The following FERMT3 variants were observed in gnomAD, a reference collection of about 807,000 sequenced individuals.
The protein encoded by FERMT3 is FERM domain containing kindlin 3, also known as fermitin family homolog 3.
In FERMT3, 33 loss-of-function variants were observed where a neutral mutation model predicts 80.8. That is an observed-to-expected ratio of 0.41 (90% CI 0.31 to 0.55). The LOEUF (loss-of-function observed/expected upper bound fraction) is 0.55, where lower values mean the gene tolerates loss of function less well. FERMT3 is among the 20% of genes least tolerant of loss of function. The probability of loss-of-function intolerance (pLI) is 0.31; values close to 1 mark genes in which losing one functional copy is unlikely to be tolerated. For synonymous variants in FERMT3, 375 were observed against 372.2 expected, an observed-to-expected ratio of 1.01 and a Z score of -0.09; for missense variants, 754 against 908.7, an observed-to-expected ratio of 0.83 and a Z score of 2.19.
chr11:64,220,139 G>C, intron 10 of FERMT3, 81 bp from the exon 11 acceptor site: 1 of 1,569,978 alleles, frequency 6.4e-7, no homozygotes, highest in African/African-American at 1.3e-5. Context: ...CTGAGGTGAC[G>C]GTGTGGGCTA....
Position 64,223,348 on chromosome 11 carries a change from C to A in FERMT3, c.1848C>A (p.Ala616=). 1.2e-6 allele frequency: 2 copies of A among 1,614,100 alleles called. No homozygotes were observed. The highest frequency in any genetic ancestry group is 1.7e-6 in the Non-Finnish European group (2 of 1,180,050). ...AIEFDEHINV[A]FSCVSASCRI... is the part of the protein sequence containing the mutation. ...AGTTTGATGAACACATCAATGTGGC[C>A]TTCAGCTGCGTGTCTGCCAGCTGCC... The change falls in exon 15 of 15, where the codon GCC becomes GCA. Residue 616 remains alanine (A), a synonymous_variant. Transcript: ENST00000345728.
At chr11:64,207,280 A>G in intron 1 of FERMT3, 71 bp from the exon 2 acceptor site, 2 of 1,588,890 alleles carry the variant, frequency 1.3e-6, no homozygotes, top group South Asian at 1.1e-5. Context: ...AGGGCATCAC[A>G]GAGCTCTTCT....
In FERMT3 at chr11:64,211,211, G is replaced by A; in HGVS notation, c.514+40G>A. On this transcript the variant is annotated intron_variant, in intron 4 of 14. Coordinates refer to ENST00000345728, the MANE Select transcript of FERMT3 (RefSeq NM_031471.6). The surrounding 1 kb of genome is among the most constrained non-coding windows in gnomAD (Gnocchi z 4.7). ...GGGTGGGCCTGGGGGGTTGGGGGCA[G>A]GGGCCGGCCCGTGAGTCCCAGCCCT... 1 of 1,592,910 alleles carries A rather than the reference G, an allele frequency of 6.3e-7. No homozygotes were observed. The highest frequency in any genetic ancestry group is 8.5e-7 in the Non-Finnish European group (1 of 1,170,644).
At chr11:64,214,903 C>T (rs147568891) in intron 6 of FERMT3, among the ~76,000 whole-genome samples, 18 of 148,594 alleles carry the variant, frequency 1.2e-4, no homozygotes, top group South Asian at 4.3e-4. Context: ...CCTGGGTTCA[C>T]GCGATTCTCC....
At chr11:64,207,773 C>T in intron 2 of FERMT3, 1 of 492,618 alleles carries the variant, frequency 2.0e-6, no homozygotes, top group Non-Finnish European at 3.6e-6. Context: ...ATCCTCCATT[C>T]AGCCACCAAT....
Position 64,210,872 on chromosome 11 carries a change from C to T in FERMT3, c.394+28C>T. 1 of 1,609,448 alleles carries T rather than the reference C, an allele frequency of 6.2e-7. No homozygotes were observed. Among genetic ancestry groups the T allele is most frequent in the Non-Finnish European group, 8.5e-7 (1 of 1,179,486 alleles). On this transcript the variant is annotated intron_variant, in intron 3 of 14. Transcript: ENST00000345728. This position sits in a 1 kb window ranked among gnomAD's most constrained non-coding sequence, Gnocchi z 4.3. ...AAGTTGCCCGGCTGATTCCCCTGGC[C>T]CACGAGGGTGATGCAAAGAGGCAGG...
intron 2 of FERMT3, chr11:64,207,807 C>T (rs1946347334): frequency 5.3e-6 from 2 of 377,806 alleles, no homozygotes; most frequent in African/African-American, 2.1e-5. Flanking sequence ...GTGGTCTTGT[C>T]TGGGCCGAGG....
chr11:64,210,892 G>A lies in FERMT3; in HGVS notation c.394+48G>A, dbSNP rs1316453981. On this transcript the variant is annotated intron_variant, in intron 3 of 14. Coordinates refer to ENST00000345728, the MANE Select transcript of FERMT3 (RefSeq NM_031471.6). The surrounding 1 kb of genome is among the most constrained non-coding windows in gnomAD (Gnocchi z 4.3). ...CTGGCCCACGAGGGTGATGCAAAGA[G>A]GCAGGTTCCCCCGTTTCCAGGCCCA... 1 of 1,609,336 alleles carries A rather than the reference G, an allele frequency of 6.2e-7. No homozygotes were observed. The highest frequency in any genetic ancestry group is 8.5e-7 in the Non-Finnish European group (1 of 1,179,452).
At position 64,222,280 on chromosome 11, in the gene FERMT3, TAAAA is replaced by T. The variant is rs543870521; in HGVS notation, c.1671-767_1671-764del. 8.8e-3 allele frequency among the ~76,000 whole-genome samples: 969 copies of T among 109,694 alleles called. 13 individuals are homozygous for T. Among genetic ancestry groups the T allele is most frequent in the South Asian group, 0.082 (314 of 3,834 alleles). 72.0% of individuals were successfully genotyped at this position (109,694 alleles called of 152,430 possible). ...ATAAATAAATAAATAAATAAATAAA[TAAAA>T]GAGCCTGCGCGATGGCTCATGCCTG... On this transcript the variant is annotated intron_variant, in intron 13 of 14. Coordinates refer to ENST00000345728, the MANE Select transcript of FERMT3 (RefSeq NM_031471.6).
At chr11:64,216,962 A>C (rs1366011325) in intron 6 of FERMT3, among the ~76,000 whole-genome samples, 1 of 152,032 alleles carries the variant, frequency 6.6e-6, no homozygotes, top group Non-Finnish European at 1.5e-5. Flanking sequence ...TTCACTCTTG[A>C]AGCTTTCCTT....
At chr11:64,220,915 C>G in intron 12 of FERMT3, 101 bp from the exon 13 acceptor site, 1 of 1,562,062 alleles carries the variant, frequency 6.4e-7, no homozygotes, top group Non-Finnish European at 8.7e-7. Flanking sequence ...ACTGCCCCTT[C>G]CCAGGCTCAC....
intron 6 of FERMT3, among the ~76,000 whole-genome samples, chr11:64,218,000 C>CTTTTTTTTT (rs34718711): frequency 8.4e-5 from 10 of 119,508 alleles, no homozygotes; most frequent in Non-Finnish European, 1.2e-4. Context: ...TTCCTTTTTC[C>CTTTTTTTTT]TTTTTTTTTT....
Position 64,223,157 on chromosome 11 carries a change from C to T in FERMT3, c.1780C>T (p.Arg594Cys), listed in dbSNP as rs754123786. The T allele has an allele frequency of 6.2e-6, 10 of 1,613,884 alleles. No homozygotes were observed. The highest frequency in any genetic ancestry group is 5.9e-6 in the Non-Finnish European group (7 of 1,180,038). ...CAAGACCTGGCGTTTCAGCAACATG[C>T]GCCAGTGGAATGTCAACTGGGACAT... ...VVKTWRFSNM[R>C]QWNVNWDIRQ... The change falls in exon 14 of 15, where the codon CGC becomes TGC. Residue 594 changes from arginine (R) to cysteine (C), a missense_variant. Transcript: ENST00000345728.
Position 64,223,837 on chromosome 11 carries a change from T to C in FERMT3, c.*345T>C. ...AACATGGTTTCAAACGAGTTCTTTC[T>C]TGTTACTTTTTAAAATTTCTTTTTT... On this transcript the variant is annotated 3_prime_UTR_variant, in exon 15 of 15. Coordinates refer to ENST00000345728, the MANE Select transcript of FERMT3 (RefSeq NM_031471.6). The C allele has an allele frequency of 1.5e-6, 2 of 1,376,940 alleles. No homozygotes were observed. The highest frequency in any genetic ancestry group is 2.9e-5 in the African/African-American group (2 of 68,108). The allele number at this position is 1,376,940 out of a possible 1,614,324, so 85.3% of individuals were successfully genotyped here.
In FERMT3 at chr11:64,223,514, C is replaced by G; in HGVS notation, c.*22C>G. ...CTGAGGGCTGTCTGATTGCCCCTGC[C>G]CTGCTCACCACCCTGTCACAGCCAC... On this transcript the variant is annotated 3_prime_UTR_variant, in exon 15 of 15. Coordinates refer to ENST00000345728, the MANE Select transcript of FERMT3 (RefSeq NM_031471.6). The G allele has an allele frequency of 6.5e-7, 1 of 1,549,708 alleles. No individual in the cohort carries two copies. The highest frequency in any genetic ancestry group is 8.6e-7 in the Non-Finnish European group (1 of 1,163,172).
intron 2 of FERMT3, among the ~76,000 whole-genome samples, chr11:64,209,762 G>A (rs79094823): frequency 2.1e-3 from 313 of 152,258 alleles, no homozygotes; most frequent in East Asian, 0.014. Context: ...AAAACTCACC[G>A]GGAGGACCTG....
Position 64,223,672 on chromosome 11 carries a change from C to T in FERMT3, c.*180C>T, listed in dbSNP as rs1946779170. Reference sequence around the variant, plus strand: ...GCAGGGCCAGACGCTGTACCATCACCCAGGCCAGGGATGGGGGTGGGGGTC... The same window carrying T: ...GCAGGGCCAGACGCTGTACCATCACTCAGGCCAGGGATGGGGGTGGGGGTC... On this transcript the variant is annotated 3_prime_UTR_variant, in exon 15 of 15. Coordinates refer to ENST00000345728, the MANE Select transcript of FERMT3 (RefSeq NM_031471.6). The T allele has an allele frequency of 1.2e-6, 1 of 848,814 alleles. No individual in the cohort carries two copies. Among genetic ancestry groups the T allele is most frequent in the African/African-American group, 1.7e-5 (1 of 59,616 alleles). 52.6% of individuals were successfully genotyped at this position (848,814 alleles called of 1,614,324 possible). A position where few individuals can be genotyped will look rare whatever the true frequency, so the allele number is the denominator to read the frequency against.
At chr11:64,212,326 C>T (rs1232455991) in intron 6 of FERMT3, among the ~76,000 whole-genome samples, 3 of 152,248 alleles carry the variant, frequency 2.0e-5, no homozygotes, top group African/African-American at 2.4e-5. Context: ...CTCTTTCTAC[C>T]TGTAGGCCCC....
intron 6 of FERMT3, among the ~76,000 whole-genome samples, chr11:64,214,575 G>C (rs1946512250): frequency 2.0e-5 from 3 of 152,122 alleles, no homozygotes; most frequent in South Asian, 4.2e-4. Context: ...TCAAACTCCT[G>C]CCCTCAGGCG....
Sources: allele counts gnomAD v4.1 joint callset (sites outside exome capture counted in the v4.1 genomes callset), GRCh38; gene constraint gnomAD v4.1.1; non-coding constraint Gnocchi (gnomAD v3.1); transcripts MANE v1.5; gene names NCBI Gene and HGNC (gene_info 2026-07-23, HGNC 2026-07-21).